Variants in TMEM132D observed in about 807,000 individuals in gnomAD.
TMEM132D encodes the protein mature OL transmembrane protein.
In TMEM132D, 21 loss-of-function variants were observed where a neutral mutation model predicts 62.3. The observed-to-expected ratio is 0.34, with a 90% CI of 0.24 to 0.49. TMEM132D has a LOEUF of 0.49. TMEM132D is among the 20% of genes least tolerant of loss of function. TMEM132D has a pLI of 0.99. For missense variants in TMEM132D, 1,346 were observed against 1,402.8 expected (o/e 0.96, Z 0.65); for synonymous variants, 621 against 575.6 (o/e 1.08, Z -1.13).
chr12:129,593,613 T>A (rs926692692), intron 2 of TMEM132D, among the ~76,000 whole-genome samples: 6 of 152,212 alleles, frequency 3.9e-5, no homozygotes, highest in Admixed American at 1.3e-4. Flanking sequence ...ATTGCACTTT[T>A]GGCTTTTGGG....
intron 3 of TMEM132D, among the ~76,000 whole-genome samples, chr12:129,382,995 A>G (rs2135688385): frequency 6.6e-6 from 1 of 152,282 alleles, no homozygotes; most frequent in South Asian, 2.1e-4. Flanking sequence ...TTAATGACAC[A>G]CAGGATCATT....
intron 2 of TMEM132D, among the ~76,000 whole-genome samples, chr12:129,656,594 G>A (rs1262480486): frequency 6.6e-6 from 1 of 152,096 alleles, no homozygotes; most frequent in East Asian, 1.9e-4. Flanking sequence ...TACAGTAGAG[G>A]GGAAAAGACC....
At chr12:129,252,482 C>T (rs1190201662) in intron 4 of TMEM132D, among the ~76,000 whole-genome samples, 5 of 152,152 alleles carry the variant, frequency 3.3e-5, no homozygotes, top group Non-Finnish European at 2.9e-5. Flanking sequence ...GAAGATAAGA[C>T]CCAGAATTGT....
intron 5 of TMEM132D, among the ~76,000 whole-genome samples, chr12:129,092,303 C>CTTTTTTTTTTTTTTTTTTT (rs3045890): frequency 7.5e-6 from 1 of 133,906 alleles, no homozygotes; most frequent in Non-Finnish European, 1.6e-5. Context: ...TCTCTCTTTC[C>CTTTTTTTTTTTTTTTTTTT]TTTTTTTTTT....
At chr12:129,372,184 T>C (rs1870624812) in intron 3 of TMEM132D, among the ~76,000 whole-genome samples, 1 of 152,194 alleles carries the variant, frequency 6.6e-6, no homozygotes, top group South Asian at 2.1e-4. Context: ...TACAAGGAAG[T>C]AGCTCTGCCA....
intron 3 of TMEM132D, among the ~76,000 whole-genome samples, chr12:129,393,700 T>C (rs1001980947): frequency 6.6e-6 from 1 of 152,170 alleles, no homozygotes; most frequent in African/African-American, 2.4e-5. Flanking sequence ...CTCATGAAGA[T>C]GAATAAATAA....
chr12:129,384,527 G>A (rs1381711193), intron 3 of TMEM132D, among the ~76,000 whole-genome samples: 1 of 144,598 alleles, frequency 6.9e-6, no homozygotes, highest in East Asian at 2.0e-4. Flanking sequence ...TTTTTTTTTT[G>A]GCTCCGCAGA....
intron 3 of TMEM132D, among the ~76,000 whole-genome samples, chr12:129,372,260 A>T (rs1441832146): frequency 6.6e-6 from 1 of 152,164 alleles, no homozygotes; most frequent in Non-Finnish European, 1.5e-5. Flanking sequence ...AGGAGAGCAA[A>T]TTTGTATTGT....
chr12:129,320,033 G>A (rs951262348), intron 4 of TMEM132D, among the ~76,000 whole-genome samples: 8 of 152,314 alleles, frequency 5.3e-5, no homozygotes, highest in Admixed American at 5.2e-4. Context: ...ATATGTAGCT[G>A]AGGACCAGGC....
chr12:129,116,918 C>CAAAAAAAAAAAAAAAAAA (rs60513263), intron 5 of TMEM132D, among the ~76,000 whole-genome samples: 1 of 58,988 alleles, frequency 1.7e-5, no homozygotes, highest in Non-Finnish European at 2.9e-5. Context: ...AAAATTTCCG[C>CAAAAAAAAAAAAAAAAAA]AAAAAAAAAA....
chr12:129,402,742 C>T (rs748559635), intron 3 of TMEM132D, among the ~76,000 whole-genome samples: 2 of 152,086 alleles, frequency 1.3e-5, no homozygotes, highest in South Asian at 4.2e-4. Flanking sequence ...TTCTTTCTCA[C>T]TGATGGTGAT....
chr12:129,244,786 G>A (rs182265725), intron 4 of TMEM132D, among the ~76,000 whole-genome samples: 1 of 152,146 alleles, frequency 6.6e-6, no homozygotes, highest in Admixed American at 6.5e-5. Flanking sequence ...AATCACAGGT[G>A]TGGGCCACCA....
At chr12:129,272,579 G>A (rs1300894974) in intron 4 of TMEM132D, among the ~76,000 whole-genome samples, 1 of 151,804 alleles carries the variant, frequency 6.6e-6, no homozygotes, top group African/African-American at 2.4e-5. Flanking sequence ...TGTGTTGGCT[G>A]CACGGATGTC....
At chr12:129,535,778 G>GTGTC (rs1005015853) in intron 2 of TMEM132D, among the ~76,000 whole-genome samples, 1 of 42,442 alleles carries the variant, frequency 2.4e-5, no homozygotes, top group Non-Finnish European at 4.4e-5. Context: ...ATTTGTGTGC[G>GTGTC]TGTGTGTGTG....
At chr12:129,326,035 G>A (rs894311846) in intron 4 of TMEM132D, among the ~76,000 whole-genome samples, 2 of 152,150 alleles carry the variant, frequency 1.3e-5, no homozygotes, top group Admixed American at 6.5e-5. Flanking sequence ...CCATCGGGAG[G>A]CTTCGCTCAT....
chr12:129,244,406 A>C (rs1255282926), intron 4 of TMEM132D, among the ~76,000 whole-genome samples: 147 of 146,266 alleles, frequency 1.0e-3, no homozygotes, highest in African/African-American at 3.3e-3. Context: ...AAAAAAAAAA[A>C]AAACAAACAA....
intron 3 of TMEM132D, among the ~76,000 whole-genome samples, chr12:129,443,309 C>T (rs1210554995): frequency 1.3e-5 from 2 of 152,200 alleles, no homozygotes; most frequent in African/African-American, 2.4e-5. Context: ...CCTCCCCGAC[C>T]GTATCCCACA....
chr12:129,445,133 T>C (rs917573492), intron 3 of TMEM132D, among the ~76,000 whole-genome samples: 2 of 152,122 alleles, frequency 1.3e-5, no homozygotes, highest in South Asian at 4.1e-4. Flanking sequence ...ATAAACACCA[T>C]GAAAGAACAA....
intron 1 of TMEM132D, among the ~76,000 whole-genome samples, chr12:129,795,999 A>G (rs1390154423): frequency 3.3e-5 from 5 of 151,894 alleles, no homozygotes; most frequent in Admixed American, 3.3e-4. Flanking sequence ...TTCCATTTCT[A>G]TTACTTTCTA....
Sources: allele counts gnomAD v4.1 joint callset (sites outside exome capture counted in the v4.1 genomes callset), GRCh38; gene constraint gnomAD v4.1.1; transcripts MANE v1.5; gene names NCBI Gene and HGNC (gene_info 2026-07-23, HGNC 2026-07-21).